EXOC7: variants seen among roughly 807,000 people sequenced by gnomAD.
The protein encoded by EXOC7 is exocyst complex component 7, also known as exocyst complex component Exo70.
EXOC7 carries 51 observed loss-of-function variants against 87.6 expected under a neutral mutation model. The ratio of observed to expected loss-of-function variants is 0.58; its 90% CI spans 0.46 to 0.73. EXOC7 has a LOEUF of 0.73. Among genes scored for constraint, EXOC7 ranks in the 30% least tolerant of loss-of-function variants. The probability of loss-of-function intolerance (pLI) is 0.00; values close to 1 mark genes in which losing one functional copy is unlikely to be tolerated. For missense variants in EXOC7, 744 were observed against 888.4 expected (o/e 0.84, Z 2.07); for synonymous variants, 327 against 357.1 (o/e 0.92, Z 0.95).
At chr17:76,099,872 G>A (rs2067971773) in intron 4 of EXOC7, among the ~76,000 whole-genome samples, 1 of 152,182 alleles carries the variant, frequency 6.6e-6, no homozygotes, top group Admixed American at 6.5e-5. Context: ...AGAGGCCAAG[G>A]TGGGAGGATC....
At chr17:76,087,990 TGCCTGGCCCTGG>T in intron 11 of EXOC7, 58 bp downstream of exon 11, 1 of 1,554,914 alleles carries the variant, frequency 6.4e-7, no homozygotes, top group Non-Finnish European at 8.9e-7. Context: ...ACCAGTACTC[TGCCTGGCCCTGG>T]GCCTGGGCCT....
At chr17:76,101,982 C>T (rs1238775928) in intron 2 of EXOC7, 119 bp from the exon 3 acceptor site, 7 of 757,588 alleles carry the variant, frequency 9.2e-6, no homozygotes, top group Middle Eastern at 3.9e-4. Context: ...ACTCCACAAG[C>T]GAAGGAACAG....
intron 14 of EXOC7, 84 bp downstream of exon 14, chr17:76,085,593 G>A: frequency 1.3e-6 from 2 of 1,599,394 alleles, no homozygotes; most frequent in Non-Finnish European, 1.7e-6. Flanking sequence ...CACAAGAGAA[G>A]GAGCCCAGGG....
Position 76,103,762 on chromosome 17 carries a change from T to A in EXOC7, c.-70A>T. On this transcript the variant is annotated 5_prime_UTR_variant, in exon 1 of 19. Transcript: ENST00000589210. ...CGGGCCCACCGGGCCCCCGTCCCCG[T>A]CACACCCACTTCCGCTCTTGGTCCC... 6.6e-7 allele frequency: 1 copy of A among 1,507,762 alleles called. No homozygotes were observed. Among genetic ancestry groups the A allele is most frequent in the Non-Finnish European group, 9.0e-7 (1 of 1,113,354 alleles). 93.4% of individuals were successfully genotyped at this position (1,507,762 alleles called of 1,614,324 possible). A position where few individuals can be genotyped will look rare whatever the true frequency, so the allele number is the denominator to read the frequency against.
rs376126613 is a variant in EXOC7 at position 76,081,465 on chromosome 17, C to A, written c.*2183G>T. 4 of 1,610,622 alleles carry A rather than the reference C, an allele frequency of 2.5e-6. No individual in the cohort carries two copies. In the Admixed American group the frequency reaches 6.7e-5, roughly 27 times the overall value. ...GGAGGCGGGTGGGAGTGAGGATGCA[C>A]GGCCAGAGGCCAGGCCCCATGCCCC... On this transcript the variant is annotated 3_prime_UTR_variant, in exon 19 of 19. Coordinates refer to ENST00000589210, the MANE Select transcript of EXOC7 (RefSeq NM_001013839.4).
intron 3 of EXOC7, 93 bp from the exon 4 acceptor site, chr17:76,101,469 G>A: frequency 6.6e-7 from 1 of 1,520,670 alleles, no homozygotes; most frequent in Non-Finnish European, 8.9e-7. Context: ...TAATACAGGG[G>A]ACTCCAGGCT....
rs943861453 is a variant in EXOC7, at chr17:76,082,182, C to T, written c.*1466G>A. The T allele has an allele frequency of 1.8e-6, 2 of 1,141,646 alleles. No individual in the cohort carries two copies. The highest frequency in any genetic ancestry group is 3.1e-5 in the African/African-American group (2 of 63,874). The allele number at this position is 1,141,646 out of a possible 1,614,324, so 70.7% of individuals were successfully genotyped here. The stretch of plus-strand genomic sequence containing the variant: ...TGGCTCTCCTGTCCCTGGTCTCCAC[C>T]ATGTCCTCCTCCCTTAGAAGAAACA... On this transcript the variant is annotated 3_prime_UTR_variant, in exon 19 of 19. Transcript: ENST00000589210.
Position 76,081,632 on chromosome 17 carries a change from T to A in EXOC7, c.*2016A>T, listed in dbSNP as rs770768941. 1 of 1,613,908 alleles carries A rather than the reference T, an allele frequency of 6.2e-7. No homozygotes were observed. Among genetic ancestry groups the A allele is most frequent in the South Asian group, 1.1e-5 (1 of 91,074 alleles). On this transcript the variant is annotated 3_prime_UTR_variant, in exon 19 of 19. Coordinates refer to ENST00000589210, the MANE Select transcript of EXOC7 (RefSeq NM_001013839.4). ...GCTGTTGGCTGACGTGTGCGGGGGG[T>A]TGCTGCCCCTCCGGGCCATTGAGCG...
chr17:76,103,587 C>T, intron 1 of EXOC7, 46 bp downstream of exon 1: 2 of 1,604,302 alleles, frequency 1.2e-6, no homozygotes, highest in East Asian at 2.3e-5. Flanking sequence ...CCGCTGTTGG[C>T]CCCTTTCCCT....
chr17:76,088,030 C>T (rs1205386422), intron 11 of EXOC7, 30 bp downstream of exon 11: 1 of 1,613,444 alleles, frequency 6.2e-7, no homozygotes. Context: ...CCTTCCTCCC[C>T]TCTCCCTGGT....
intron 4 of EXOC7, chr17:76,101,022 G>T: frequency 1.8e-6 from 1 of 546,388 alleles, no homozygotes; most frequent in Non-Finnish European, 2.4e-6. Context: ...CAAATGTTAA[G>T]TTTATATTTT....
chr17:76,088,159 C>T, intron 10 of EXOC7, 37 bp from the exon 11 acceptor site: 1 of 1,600,970 alleles, frequency 6.2e-7, no homozygotes, highest in Non-Finnish European at 8.5e-7. Context: ...TGAAGCAGCC[C>T]CCAGCCCACC....
chr17:76,096,621 G>A (rs773241665), intron 5 of EXOC7, among the ~76,000 whole-genome samples: 55 of 151,704 alleles, frequency 3.6e-4, no homozygotes, highest in Non-Finnish European at 2.8e-4. Flanking sequence ...AGGCTGGAGC[G>A]CAATAGTGCA....
intron 7 of EXOC7, 74 bp downstream of exon 7, chr17:76,091,069 G>T: frequency 3.0e-6 from 4 of 1,351,970 alleles, no homozygotes; most frequent in Non-Finnish European, 4.2e-6. Flanking sequence ...CCTCCTGGGG[G>T]AGGCTCTGCC....
chr17:76,103,611 G>A (rs2068189292), intron 1 of EXOC7, 22 bp downstream of exon 1: 1 of 1,610,688 alleles, frequency 6.2e-7, no homozygotes, highest in Non-Finnish European at 8.5e-7. Context: ...CTCCTCCCCA[G>A]CCTCCCCAGG....
At chr17:76,092,696 T>C (rs2067553701) in intron 6 of EXOC7, 1 of 152,210 alleles carries the variant, frequency 6.6e-6, no homozygotes. Flanking sequence ...ATCTGATTCC[T>C]GCCCCACAAC....
chr17:76,087,742 C>T (rs1411071505), intron 11 of EXOC7, 22 bp from the exon 12 acceptor site: 1 of 1,550,386 alleles, frequency 6.5e-7, no homozygotes. Flanking sequence ...GAAAACGGTG[C>T]AGAAGGGCAA....
chr17:76,091,044 G>GA (rs2067454507), intron 7 of EXOC7, 99 bp downstream of exon 7: 1 of 1,043,226 alleles, frequency 9.6e-7, no homozygotes, highest in Non-Finnish European at 1.5e-6. Flanking sequence ...CTCCCCTCAG[G>GA]GTTTCTCCCG....
intron 7 of EXOC7, 152 bp downstream of exon 7, chr17:76,090,991 G>A (rs560088556): frequency 5.1e-5 from 36 of 704,252 alleles, no homozygotes; most frequent in South Asian, 4.7e-4. Context: ...CCCTGTGCCC[G>A]CTGAAGCCCG....
Sources: allele counts gnomAD v4.1 joint callset (sites outside exome capture counted in the v4.1 genomes callset), GRCh38; gene constraint gnomAD v4.1.1; transcripts MANE v1.5; gene names NCBI Gene and HGNC (gene_info 2026-07-23, HGNC 2026-07-21).